MYBL1: variants seen among roughly 807,000 people sequenced by gnomAD.
MYBL1 encodes MYB proto-oncogene like 1.
In MYBL1, 17 loss-of-function variants were observed where a neutral mutation model predicts 96.3. The observed-to-expected ratio is 0.18, with a 90% CI of 0.12 to 0.26. The LOEUF (loss-of-function observed/expected upper bound fraction) is 0.26. Ranked by LOEUF, MYBL1 falls within the 10% of genes least tolerant of loss-of-function variation. The pLI is 1.00. For missense variants in MYBL1, 701 were observed against 882.9 expected, an observed-to-expected ratio of 0.79 and a Z score of 2.61; for synonymous variants, 282 against 292.7, an observed-to-expected ratio of 0.96 and a Z score of 0.37.
At chr8:66,580,424 C>T in intron 8 of MYBL1, 58 bp from the exon 9 acceptor site, 1 of 1,139,508 alleles carries the variant, frequency 8.8e-7, no homozygotes, top group Non-Finnish European at 1.3e-6. Context: ...GGCATAAATT[C>T]AGATTTCAAC....
At chr8:66,599,333 AG>A (rs1277888487) in intron 3 of MYBL1, among the ~76,000 whole-genome samples, 191 bp from the exon 4 acceptor site, 1 of 152,222 alleles carries the variant, frequency 6.6e-6, no homozygotes, top group East Asian at 1.9e-4. Flanking sequence ...AGTAGTCAAC[AG>A]GGCTTAGACT....
At chr8:66,567,293 GT>G (rs1238401016) in intron 12 of MYBL1, among the ~76,000 whole-genome samples, 1 of 152,144 alleles carries the variant, frequency 6.6e-6, no homozygotes, top group Non-Finnish European at 1.5e-5. Flanking sequence ...AAAGAAAGAT[GT>G]TATTTCTCAA....
intron 2 of MYBL1, 82 bp from the exon 3 acceptor site, chr8:66,601,851 A>G: frequency 1.6e-6 from 1 of 619,412 alleles, no homozygotes; most frequent in South Asian, 2.5e-5. Context: ...CTCCAATTCT[A>G]TTAAGGAATA....
At chr8:66,564,869 G>A in intron 15 of MYBL1, 44 bp from the exon 16 acceptor site, 1 of 1,388,454 alleles carries the variant, frequency 7.2e-7, no homozygotes, top group Non-Finnish European at 9.8e-7. Context: ...TATTAAAATA[G>A]CTATCTATAT....
Position 66,584,781 on chromosome 8 carries a change from C to A in MYBL1, c.868-4415G>T, listed in dbSNP as rs933663493. 5.3e-5 allele frequency among the ~76,000 whole-genome samples: 8 copies of A among 151,824 alleles called. No individual in the cohort carries two copies. The South Asian group carries it at 8.3e-4, about 16-fold the overall frequency. On this transcript the variant is annotated intron_variant, in intron 8 of 15. Coordinates refer to ENST00000522677, the MANE Select transcript of MYBL1 (RefSeq NM_001080416.4). ...ACAAAAAGAAATCAAGAAAGCAATG[C>A]CATTTACAATAGCTACAAAAAAATA...
chr8:66,580,510 C>A, intron 8 of MYBL1, 144 bp from the exon 9 acceptor site: 1 of 600,460 alleles, frequency 1.7e-6, no homozygotes, highest in Non-Finnish European at 2.9e-6. Context: ...TTTCATTAAA[C>A]TTCATGCTTT....
At chr8:66,567,515 CA>C (rs1228767238) in intron 12 of MYBL1, among the ~76,000 whole-genome samples, 28 of 148,336 alleles carry the variant, frequency 1.9e-4, no homozygotes, top group Non-Finnish European at 3.4e-4. Context: ...TCCAAGAAGA[CA>C]GAGAGAGTGA....
In MYBL1 at chr8:66,579,326, C is replaced by T. The variant is rs577847048; in HGVS notation, c.1101+807G>A. ...AATAATAGTTGGGTAAATATATTTTCTTATATTCATTTGATGGAATACTAC... is the reference window on the plus strand; with the variant it reads ...AATAATAGTTGGGTAAATATATTTTTTTATATTCATTTGATGGAATACTAC... On this transcript the variant is annotated intron_variant, in intron 9 of 15. Transcript: ENST00000522677. Among the ~76,000 whole-genome samples, 416 of 151,816 alleles carry T rather than the reference C, an allele frequency of 2.7e-3. 2 individuals are homozygous for T. Among genetic ancestry groups the T allele is most frequent in the Middle Eastern group, 6.8e-3 (2 of 294 alleles).
intron 3 of MYBL1, among the ~76,000 whole-genome samples, chr8:66,600,390 C>A (rs1435969578): frequency 1.3e-5 from 2 of 152,202 alleles, no homozygotes; most frequent in Admixed American, 6.5e-5. Context: ...GGCTTCTGTA[C>A]ACCAACGCTA....
chr8:66,579,990 CT>C, intron 9 of MYBL1, 142 bp downstream of exon 9: 1 of 600,596 alleles, frequency 1.7e-6, no homozygotes, highest in East Asian at 2.8e-5. Flanking sequence ...CTTTTTTCCC[CT>C]AGAAGCCACT....
At chr8:66,610,241 T>C (rs1435493613) in intron 1 of MYBL1, among the ~76,000 whole-genome samples, 1 of 152,074 alleles carries the variant, frequency 6.6e-6, no homozygotes, top group Admixed American at 6.5e-5. Flanking sequence ...GTCATCGCAA[T>C]TCCCAGTGGG....
intron 8 of MYBL1, among the ~76,000 whole-genome samples, chr8:66,591,960 G>A (rs1293368132): frequency 1.3e-5 from 2 of 151,968 alleles, no homozygotes; most frequent in African/African-American, 4.8e-5. Context: ...TCAAAGAAAT[G>A]CATATCAAAA....
chr8:66,593,062 G>GGA, intron 7 of MYBL1, 58 bp downstream of exon 7: 1 of 1,088,290 alleles, frequency 9.2e-7, no homozygotes, highest in East Asian at 2.6e-5. Context: ...ATACTATTAG[G>GGA]CTTTTAAAAA....
chr8:66,613,001 C>G lies in MYBL1; in HGVS notation c.-163G>C. The G allele has an allele frequency of 1.2e-6, 1 of 807,926 alleles. No homozygotes were observed. The highest frequency in any genetic ancestry group is 1.7e-6 in the Non-Finnish European group (1 of 588,834). The allele number at this position is 807,926 out of a possible 1,614,324, so 50.0% of individuals were successfully genotyped here. A position where few individuals can be genotyped will look rare whatever the true frequency, so the allele number is the denominator to read the frequency against. ...TCCTCGACAGGGCAGGACGGAGGGA[C>G]AGCGGGGGCGGACCGCGACCCGACC... On this transcript the variant is annotated 5_prime_UTR_variant, in exon 1 of 16. Transcript: ENST00000522677.
chr8:66,588,797 G>A (rs1229570749), intron 8 of MYBL1, among the ~76,000 whole-genome samples: 1 of 152,158 alleles, frequency 6.6e-6, no homozygotes, highest in Non-Finnish European at 1.5e-5. Flanking sequence ...CAAGGCAGGT[G>A]GATCACGAGG....
Position 66,592,421 on chromosome 8 carries a change from T to G in MYBL1, c.867+19A>C. On this transcript the variant is annotated intron_variant, in intron 8 of 15. Coordinates refer to ENST00000522677, the MANE Select transcript of MYBL1 (RefSeq NM_001080416.4). ...ATATGAAAGATTCTAACAATACAAA[T>G]AACAAGCTTATTTCTTACTGATGGA... The G allele has an allele frequency of 2.0e-6, 3 of 1,480,306 alleles. No individual in the cohort carries two copies. Among genetic ancestry groups the G allele is most frequent in the Non-Finnish European group, 2.8e-6 (3 of 1,076,380 alleles). The allele number at this position is 1,480,306 out of a possible 1,614,324, so 91.7% of individuals were successfully genotyped here.
chr8:66,586,776 T>A (rs1809437149), intron 8 of MYBL1, among the ~76,000 whole-genome samples: 1 of 152,146 alleles, frequency 6.6e-6, no homozygotes, highest in Non-Finnish European at 1.5e-5. Flanking sequence ...AACAGATGAA[T>A]AAAGCAAGAA....
chr8:66,575,393 C>T (rs748184559), intron 10 of MYBL1, among the ~76,000 whole-genome samples: 3 of 152,174 alleles, frequency 2.0e-5, no homozygotes, highest in Non-Finnish European at 4.4e-5. Context: ...CATTAGATAA[C>T]TTTGGGCAAA....
At chr8:66,586,218 G>GT (rs1377610398) in intron 8 of MYBL1, among the ~76,000 whole-genome samples, 1 of 151,606 alleles carries the variant, frequency 6.6e-6, no homozygotes, top group African/African-American at 2.4e-5. Flanking sequence ...GCTAAGTTTT[G>GT]TATTTTTTGT....
Sources: allele counts gnomAD v4.1 joint callset (sites outside exome capture counted in the v4.1 genomes callset), GRCh38; gene constraint gnomAD v4.1.1; transcripts MANE v1.5; gene names NCBI Gene and HGNC (gene_info 2026-07-23, HGNC 2026-07-21).